The following GLIS3 variants were observed in gnomAD, a reference collection of about 807,000 sequenced individuals.
GLIS3 encodes the protein zinc finger protein GLIS3.
A neutral mutation model predicts 78.6 loss-of-function variants in GLIS3; 53 were observed. The observed-to-expected ratio is 0.67, with a 90% confidence interval of 0.54 to 0.85. The LOEUF is 0.85. Ranked by LOEUF, GLIS3 falls within the 40% of genes least tolerant of loss-of-function variation. GLIS3 has a pLI of 0.00. For missense variants in GLIS3, 1,703 were observed against 1,231.1 expected, an observed-to-expected ratio of 1.38 and a Z score of -5.74; for synonymous variants, 684 against 509.9, an observed-to-expected ratio of 1.34 and a Z score of -4.60.
intron 2 of GLIS3, among the ~76,000 whole-genome samples, chr9:4,320,183 T>C (rs1257374244): frequency 1.3e-5 from 2 of 152,170 alleles, no homozygotes; most frequent in African/African-American, 4.8e-5. Context: ...TTTTTATAGG[T>C]CAACAAATTC....
intron 9 of GLIS3, among the ~76,000 whole-genome samples, chr9:3,854,635 C>G (rs1271634241): frequency 6.6e-6 from 1 of 151,650 alleles, no homozygotes; most frequent in Non-Finnish European, 1.5e-5. Flanking sequence ...CTCCCGGGTT[C>G]ATGCTATTCT....
the GLIS3 span, among the ~76,000 whole-genome samples, chr9:4,374,485 C>G: frequency 1.3e-5 from 2 of 152,196 alleles, no homozygotes; most frequent in Admixed American, 1.3e-4. Flanking sequence ...CTAAAAGAGC[C>G]CCTCACACAG....
intron 2 of GLIS3, among the ~76,000 whole-genome samples, chr9:4,206,019 A>G (rs971345241): frequency 5.3e-5 from 8 of 152,168 alleles, no homozygotes; most frequent in African/African-American, 1.9e-4. Context: ...CCTGAATCTG[A>G]TTTAGAAGCT....
chr9:3,940,201 A>G (rs2130804677), intron 4 of GLIS3, among the ~76,000 whole-genome samples: 2 of 152,372 alleles, frequency 1.3e-5, no homozygotes, highest in South Asian at 2.1e-4. Flanking sequence ...GTAGGCTTAT[A>G]AAAGATTGTT....
intron 8 of GLIS3, among the ~76,000 whole-genome samples, chr9:3,864,199 G>C (rs918228857): frequency 5.9e-5 from 9 of 152,162 alleles, no homozygotes; most frequent in East Asian, 1.9e-4. Context: ...GTGGGTCAGA[G>C]CAAGGGGATT....
chr9:3,908,009 T>C (rs1326390456), intron 6 of GLIS3, among the ~76,000 whole-genome samples: 3 of 152,200 alleles, frequency 2.0e-5, no homozygotes, highest in Non-Finnish European at 4.4e-5. Flanking sequence ...GTATGGAAAG[T>C]AGATGTTTAA....
chr9:4,132,611 C>G (rs1189619555), intron 2 of GLIS3, among the ~76,000 whole-genome samples: 2 of 152,116 alleles, frequency 1.3e-5, no homozygotes, highest in Non-Finnish European at 2.9e-5. Flanking sequence ...AGGCAGTCCA[C>G]AGAGACAATG....
intron 8 of GLIS3, among the ~76,000 whole-genome samples, chr9:3,862,548 T>G (rs1017134617): frequency 6.6e-6 from 1 of 152,210 alleles, no homozygotes; most frequent in Non-Finnish European, 1.5e-5. Context: ...AATTTACTAA[T>G]AGATTGTGTT....
chr9:3,930,309 A>G (rs966813294), intron 6 of GLIS3, among the ~76,000 whole-genome samples: 1 of 152,224 alleles, frequency 6.6e-6, no homozygotes. Flanking sequence ...TTTGAGAGAC[A>G]GTGTCTCCAT....
At chr9:4,012,765 C>CTTTTTTTTTTT (rs71324278) in intron 4 of GLIS3, among the ~76,000 whole-genome samples, 2 of 66,476 alleles carry the variant, frequency 3.0e-5, no homozygotes, top group African/African-American at 5.5e-5. Flanking sequence ...TTTTCTTTTT[C>CTTTTTTTTTTT]TTTTTTTTTT....
the GLIS3 span, among the ~76,000 whole-genome samples, chr9:4,455,845 G>A: frequency 4.0e-5 from 6 of 151,842 alleles, no homozygotes; most frequent in Admixed American, 2.0e-4. Context: ...GGGTGTGGTG[G>A]CTCACACCTG....
At chr9:4,342,732 T>C (rs1051007629) in intron 2 of GLIS3, among the ~76,000 whole-genome samples, 1 of 152,250 alleles carries the variant, frequency 6.6e-6, no homozygotes, top group Non-Finnish European at 1.5e-5. Flanking sequence ...TCCATGAGCA[T>C]GGCATGTTTT....
intron 2 of GLIS3, among the ~76,000 whole-genome samples, chr9:4,280,517 A>C (rs1827448549): frequency 6.6e-6 from 1 of 152,208 alleles, no homozygotes; most frequent in Non-Finnish European, 1.5e-5. Flanking sequence ...ATGCAAAAAA[A>C]AGTTAAATGC....
chr9:3,920,885 C>T (rs972322456), intron 6 of GLIS3, among the ~76,000 whole-genome samples: 6 of 152,278 alleles, frequency 3.9e-5, no homozygotes, highest in Non-Finnish European at 5.9e-5. Context: ...TTCTTGTCTT[C>T]GTGCCTTGCC....
chr9:3,932,693 A>T, intron 5 of GLIS3: 1 of 492,212 alleles, frequency 2.0e-6, no homozygotes, highest in Non-Finnish European at 3.8e-6. Flanking sequence ...CCTATCCTTG[A>T]TGATTTCTAA....
intron 4 of GLIS3, among the ~76,000 whole-genome samples, chr9:4,055,768 C>G (rs1826104671): frequency 6.6e-6 from 1 of 151,822 alleles, no homozygotes; most frequent in Admixed American, 6.6e-5. Flanking sequence ...GGCTCAAGTT[C>G]AACAACAGCC....
chr9:4,109,179 A>G (rs1831013880), intron 4 of GLIS3, among the ~76,000 whole-genome samples: 1 of 152,222 alleles, frequency 6.6e-6, no homozygotes, highest in South Asian at 2.1e-4. Flanking sequence ...GTGAAGGAAA[A>G]AAATCTTGAA....
chr9:4,025,593 T>A lies in GLIS3; in HGVS notation c.1711-88404A>T, dbSNP rs573110351. ...AGTAGAGACGGGGTTTCACCATGTTTGCCAGGAGGGTCTGCGTCTCCTGAC... is the reference window on the plus strand; with the variant it reads ...AGTAGAGACGGGGTTTCACCATGTTAGCCAGGAGGGTCTGCGTCTCCTGAC... On this transcript the variant is annotated intron_variant, in intron 4 of 10. Transcript: ENST00000381971. Among the ~76,000 whole-genome samples the A allele has an allele frequency of 7.2e-5, 11 of 152,208 alleles. No individual in the cohort carries two copies. The South Asian group carries it at 1.2e-3, about 17-fold the overall frequency.
At chr9:4,173,930 A>ACACG (rs886954472) in intron 2 of GLIS3, among the ~76,000 whole-genome samples, 13 of 85,366 alleles carry the variant, frequency 1.5e-4, no homozygotes, top group East Asian at 1.1e-3. Flanking sequence ...ACACACACAC[A>ACACG]CACGCACGCA....
Sources: allele counts gnomAD v4.1 joint callset (sites outside exome capture counted in the v4.1 genomes callset), GRCh38; gene constraint gnomAD v4.1.1; transcripts MANE v1.5; gene names NCBI Gene and HGNC (gene_info 2026-07-23, HGNC 2026-07-21).